Variants in NOC3L observed in about 807,000 individuals in gnomAD.
NOC3L encodes nucleolar complex protein 3 homolog.
In NOC3L, 85 loss-of-function variants were observed where a neutral mutation model predicts 102.5. That is an observed-to-expected ratio of 0.83 (90% CI 0.70 to 0.99). The LOEUF (loss-of-function observed/expected upper bound fraction) is 0.99, where lower values mean the gene tolerates loss of function less well. Among genes scored for constraint, NOC3L ranks in the 50% least tolerant of loss-of-function variants. The pLI, the probability that NOC3L is intolerant of heterozygous loss-of-function variation, is 0.00. For missense variants in NOC3L, 878 were observed against 914.9 expected (o/e 0.96, Z 0.52); for synonymous variants, 303 against 309.4 (o/e 0.98, Z 0.22).
intron 8 of NOC3L, among the ~76,000 whole-genome samples, chr10:94,352,078 A>G (rs1041052623): frequency 6.6e-6 from 1 of 152,210 alleles, no homozygotes; most frequent in Middle Eastern, 3.2e-3. Context: ...GGTAAGTACT[A>G]TAATTATTTC....
At chr10:94,346,374 G>T (rs758959017) in intron 11 of NOC3L, 51 bp downstream of exon 11, 9 of 1,355,892 alleles carry the variant, frequency 6.6e-6, no homozygotes, top group Non-Finnish European at 8.8e-6. Flanking sequence ...TTTAATCTAA[G>T]ATCAAATAAA....
chr10:94,359,128 A>G (rs1053313079), intron 2 of NOC3L, among the ~76,000 whole-genome samples: 3 of 152,148 alleles, frequency 2.0e-5, no homozygotes, highest in East Asian at 3.9e-4. Context: ...TGACCCATTA[A>G]AACTCGTAAA....
At chr10:94,334,434 G>C (rs943897348) in intron 20 of NOC3L, 129 bp from the exon 21 acceptor site, 15 of 672,428 alleles carry the variant, frequency 2.2e-5, no homozygotes, top group Admixed American at 1.4e-4. Context: ...GCTTGGTAAG[G>C]TCTTGGACAT....
intron 12 of NOC3L, 114 bp downstream of exon 12, chr10:94,344,739 A>G: frequency 1.2e-6 from 1 of 840,412 alleles, no homozygotes; most frequent in Middle Eastern, 2.3e-4. Flanking sequence ...AAAGTCACAC[A>G]TCTAAGCCTC....
the NOC3L span, chr10:94,316,679 G>A: frequency 6.2e-7 from 1 of 1,613,976 alleles, no homozygotes; most frequent in Non-Finnish European, 8.5e-7. Flanking sequence ...TCCAGAAGAG[G>A]AGATCATGCA....
At position 94,340,470 on chromosome 10, in the gene NOC3L, G is replaced by C; in HGVS notation, c.1671C>G (p.His557Gln). The change falls in exon 15 of 21, where the codon CAC becomes CAG. Residue 557 changes from histidine to glutamine, a missense_variant. His to Gln is a conservative substitution (Grantham distance 24). Transcript: ENST00000371361. ...GAATATGAAAAGCAGTCTGGACACA[G>C]TGAAGACTTTCTTGATAGCTTAGGT... ...SGDLSYQESLHCVQTAFHILS... is the reference protein window; with the variant it reads ...SGDLSYQESLQCVQTAFHILS... 1 of 1,273,910 alleles carries C rather than the reference G, an allele frequency of 7.8e-7. No individual in the cohort carries two copies. Among genetic ancestry groups the C allele is most frequent in the Non-Finnish European group, 1.1e-6 (1 of 940,742 alleles). 78.9% of individuals were successfully genotyped at this position (1,273,910 alleles called of 1,614,324 possible).
chr10:94,336,371 C>T (rs1263459961), intron 19 of NOC3L, among the ~76,000 whole-genome samples: 5 of 150,746 alleles, frequency 3.3e-5, no homozygotes, highest in East Asian at 1.9e-4. Flanking sequence ...TTTTTTCAGA[C>T]GGATTCGCTC....
the NOC3L span, chr10:94,322,149 T>A: frequency 8.0e-7 from 1 of 1,255,476 alleles, no homozygotes; most frequent in Non-Finnish European, 1.2e-6. Context: ...ATTTTATGAG[T>A]GAAGTTCCTC....
Position 94,361,748 on chromosome 10 carries a change from T to C in NOC3L, c.134A>G (p.Glu45Gly), listed in dbSNP as rs140289143. ...QQSTLKKYRK[E>G]QRKLRQAVKD... ...CACAGCTTGCCTTAGTTTCCTCTGT[T>C]CTTTTCGGTACTTCTTGAGAGTGCT... Residue 45 changes from glutamate to glycine, a missense_variant, in exon 2 of 21, where the codon GAA (glutamate) becomes GGA (glycine). Physicochemically the swap from Glu to Gly is moderately conservative, Grantham distance 98. Coordinates refer to ENST00000371361, the MANE Select transcript of NOC3L (RefSeq NM_022451.11). 0.012 allele frequency: 19,204 copies of C among 1,614,134 alleles called. 145 individuals carry two copies. The highest frequency in any genetic ancestry group is 0.015 in the Non-Finnish European group (17,497 of 1,179,994).
chr10:94,324,894 A>G, the NOC3L span: 1 of 1,614,080 alleles, frequency 6.2e-7, no homozygotes, highest in Non-Finnish European at 8.5e-7. Context: ...TCCCACAGGC[A>G]TCTCGAGAAG....
intron 13 of NOC3L, 22 bp from the exon 14 acceptor site, chr10:94,341,767 A>G: frequency 1.4e-6 from 2 of 1,420,802 alleles, no homozygotes; most frequent in Non-Finnish European, 9.6e-7. Context: ...CAAAACAGTT[A>G]ATCAGTGAAC....
intron 8 of NOC3L, among the ~76,000 whole-genome samples, chr10:94,350,903 A>T (rs2054408182): frequency 6.6e-6 from 1 of 152,040 alleles, no homozygotes; most frequent in South Asian, 2.1e-4. Context: ...TACAAACCAG[A>T]TTTGAACTTA....
intron 8 of NOC3L, among the ~76,000 whole-genome samples, chr10:94,351,054 A>G (rs2054410095): frequency 6.6e-6 from 1 of 152,116 alleles, no homozygotes; most frequent in Non-Finnish European, 1.5e-5. Flanking sequence ...TAAATGACAT[A>G]TGTGGCTCAT....
the NOC3L span, chr10:94,324,797 A>G: frequency 7.9e-7 from 1 of 1,271,290 alleles, no homozygotes; most frequent in Non-Finnish European, 1.1e-6. Context: ...CCAAAGCTCT[A>G]GAGAGAAGAG....
At chr10:94,330,646 T>G (rs1465956639), downstream of NOC3L, 1 of 149,946 alleles carries the variant, frequency 6.7e-6, no homozygotes, top group Non-Finnish European at 1.5e-5. Context: ...GAGTGGAGAC[T>G]GTGCCACTGC....
the NOC3L span, chr10:94,321,917 A>G: frequency 1.9e-6 from 3 of 1,613,386 alleles, no homozygotes; most frequent in Non-Finnish European, 1.7e-6. Context: ...GAAGAGAAAA[A>G]CATTGTTCAA....
At chr10:94,328,247 A>T (rs899629411), downstream of NOC3L, 2 of 243,508 alleles carry the variant, frequency 8.2e-6, no homozygotes, top group Admixed American at 9.3e-5. Flanking sequence ...GTAAAGGGCC[A>T]AACAGTAAAT....
rs11187903 is a variant in NOC3L, at chr10:94,362,799, C to A, written c.9+31G>T. ...CTCTATCACCCGAAGGGGCCCTAGG[C>A]CGCGGCGACCGGGCTTTTGAGGACA... On this transcript the variant is annotated intron_variant, in intron 1 of 20. Coordinates refer to ENST00000371361, the MANE Select transcript of NOC3L (RefSeq NM_022451.11). 8.4e-3 allele frequency: 13,524 copies of A among 1,613,786 alleles called. 631 individuals are homozygous for A. In the African/African-American group the frequency reaches 0.12, roughly 15 times the overall value.
At chr10:94,321,410 G>A in the NOC3L span, among the ~76,000 whole-genome samples, 1 of 152,166 alleles carries the variant, frequency 6.6e-6, no homozygotes, top group Admixed American at 6.6e-5. Context: ...GATGCAGGTG[G>A]ATCACAAGGT....
Sources: gnomAD v4.1 joint callset for allele counts (sites outside exome capture counted in the v4.1 genomes callset) on GRCh38, gnomAD v4.1.1 for gene constraint, MANE v1.5 for transcripts, NCBI Gene and HGNC (gene_info 2026-07-23, HGNC 2026-07-21) for gene names.